Variants in OSBPL10 observed in about 807,000 individuals in gnomAD.
OSBPL10 encodes the protein oxysterol-binding protein-related protein 10.
In OSBPL10, 49 loss-of-function variants were observed where a neutral mutation model predicts 81.7. The observed-to-expected ratio is 0.60, with a 90% CI of 0.48 to 0.76. The LOEUF is 0.76. OSBPL10 is among the 30% of genes least tolerant of loss of function. The probability of loss-of-function intolerance (pLI) is 0.00; values close to 1 mark genes in which losing one functional copy is unlikely to be tolerated. For missense variants in OSBPL10, 923 were observed against 987.8 expected (o/e 0.93, Z 0.88); for synonymous variants, 419 against 383.6 (o/e 1.09, Z -1.08).
chr3:32,021,948 C>A (rs1699366333), intron 2 of OSBPL10, among the ~76,000 whole-genome samples: 1 of 138,336 alleles, frequency 7.2e-6, no homozygotes, highest in East Asian at 2.0e-4. Flanking sequence ...CTACTGCACT[C>A]CAGCCTGGGC....
chr3:31,864,537 A>G (rs1701130439), intron 3 of OSBPL10, among the ~76,000 whole-genome samples: 1 of 152,030 alleles, frequency 6.6e-6, no homozygotes, highest in African/African-American at 2.4e-5. Flanking sequence ...ACCGCACCCG[A>G]CCATATACTT....
upstream of OSBPL10, chr3:31,981,317 G>T: frequency 2.4e-6 from 3 of 1,249,396 alleles, no homozygotes; most frequent in Non-Finnish European, 3.0e-6. The surrounding 1 kb of genome is among the most constrained non-coding windows in gnomAD (Gnocchi z 4.5). Flanking sequence ...ACTCATACAG[G>T]AGGAAGAGGA....
At chr3:31,694,450 C>T (rs1303834657) in intron 7 of OSBPL10, among the ~76,000 whole-genome samples, 1 of 143,684 alleles carries the variant, frequency 7.0e-6, no homozygotes, top group African/African-American at 2.6e-5. Context: ...TCTTTTGTAT[C>T]TGTTCAATAT....
chr3:31,939,644 C>T (rs1697481670), intron 1 of OSBPL10, among the ~76,000 whole-genome samples: 1 of 152,060 alleles, frequency 6.6e-6, no homozygotes, highest in South Asian at 2.1e-4. Context: ...CCATAGTGAC[C>T]AAACTCCACA....
chr3:32,072,676 C>T (rs911887818), intron 1 of OSBPL10, among the ~76,000 whole-genome samples: 1 of 152,036 alleles, frequency 6.6e-6, no homozygotes, highest in Admixed American at 6.6e-5. Context: ...TTGTTCAGGC[C>T]CCCTCCCTTC....
intron 6 of OSBPL10, among the ~76,000 whole-genome samples, chr3:31,713,051 A>C (rs1181961651): frequency 6.6e-6 from 1 of 152,196 alleles, no homozygotes; most frequent in Non-Finnish European, 1.5e-5. Context: ...TAATTACTGC[A>C]ACAGCTTCCC....
At chr3:31,844,784 C>T (rs1700586182) in intron 3 of OSBPL10, among the ~76,000 whole-genome samples, 1 of 152,192 alleles carries the variant, frequency 6.6e-6, no homozygotes, top group South Asian at 2.1e-4. Flanking sequence ...TTAAAAATGG[C>T]TAATTTGGAC....
At chr3:31,904,818 T>C (rs539783332) in intron 1 of OSBPL10, among the ~76,000 whole-genome samples, 16 of 152,346 alleles carry the variant, frequency 1.1e-4, no homozygotes, top group African/African-American at 3.8e-4. Flanking sequence ...TCTACAGAGA[T>C]AGCTGGTGTT....
intron 1 of OSBPL10, among the ~76,000 whole-genome samples, chr3:31,897,504 A>G (rs1007698765): frequency 6.6e-6 from 1 of 152,222 alleles, no homozygotes; most frequent in Non-Finnish European, 1.5e-5. Context: ...ATTCACCACA[A>G]TTAAAGAAAG....
At chr3:32,008,770 A>G (rs1478358656) in intron 2 of OSBPL10, among the ~76,000 whole-genome samples, 1 of 151,950 alleles carries the variant, frequency 6.6e-6, no homozygotes, top group Non-Finnish European at 1.5e-5. Context: ...GAAAAAAAAA[A>G]AAAAAAAGAA....
rs533615715 is a variant in OSBPL10 at position 31,879,057 on chromosome 3, C to T, written c.457+598G>A. On this transcript the variant is annotated intron_variant, in intron 2 of 11. Coordinates refer to ENST00000396556, the MANE Select transcript of OSBPL10 (RefSeq NM_017784.5). ...ATACTGGACTCCCTGGAAAGTCATC[C>T]TCATTTCCGGGATGCTGGGCAGGTA... Among the ~76,000 whole-genome samples, 7 of 152,206 alleles carry T rather than the reference C, an allele frequency of 4.6e-5. No homozygotes were observed. In the South Asian group the frequency reaches 1.5e-3, roughly 32 times the overall value.
chr3:31,968,999 CT>C (rs1475149416), intron 1 of OSBPL10, among the ~76,000 whole-genome samples: 9 of 152,260 alleles, frequency 5.9e-5, no homozygotes, highest in Admixed American at 5.9e-4. Flanking sequence ...TTCTGTTAAA[CT>C]TTTTAGAGAC....
chr3:31,789,744 G>A (rs946184576), intron 4 of OSBPL10, among the ~76,000 whole-genome samples: 2 of 152,236 alleles, frequency 1.3e-5, no homozygotes, highest in African/African-American at 2.4e-5. Context: ...CATCAGGCTA[G>A]AAGAGACTAA....
chr3:31,789,327 C>G (rs761998606), intron 4 of OSBPL10, among the ~76,000 whole-genome samples: 4 of 152,138 alleles, frequency 2.6e-5, no homozygotes, highest in Non-Finnish European at 5.9e-5. Flanking sequence ...GAAAGGCACT[C>G]TAGGGTGGCA....
chr3:31,687,477 A>T (rs908989880), intron 7 of OSBPL10, among the ~76,000 whole-genome samples: 3 of 152,148 alleles, frequency 2.0e-5, no homozygotes, highest in East Asian at 1.9e-4. Context: ...TTAAAAAAAA[A>T]AATAAGTAAA....
At chr3:31,992,967 C>T (rs950780421) in intron 2 of OSBPL10, among the ~76,000 whole-genome samples, 53 of 152,116 alleles carry the variant, frequency 3.5e-4, no homozygotes, top group Non-Finnish European at 2.9e-5. Flanking sequence ...CATGCCACTG[C>T]ACTCCAGCCC....
chr3:31,725,667 G>A (rs1446148809), intron 6 of OSBPL10, among the ~76,000 whole-genome samples: 1 of 152,186 alleles, frequency 6.6e-6, no homozygotes, highest in Non-Finnish European at 1.5e-5. Flanking sequence ...CCAGGACGCT[G>A]ACCATGGATG....
At chr3:31,798,951 T>G (rs940979996) in intron 4 of OSBPL10, among the ~76,000 whole-genome samples, 1 of 152,184 alleles carries the variant, frequency 6.6e-6, no homozygotes, top group African/African-American at 2.4e-5. Context: ...TGAACTCCTA[T>G]GAGAATCTAA....
At position 31,683,627 on chromosome 3, in the gene OSBPL10, G is replaced by A; in HGVS notation, c.1726+7C>T. ...AGAGCCAAACTCCAACATACGACAT[G>A]GCTTACCTTCCCCTATCATAGAGAC... On this transcript the variant is annotated splice_region_variant and intron_variant, in intron 8 of 11. Transcript: ENST00000396556. 1 of 1,604,626 alleles carries A rather than the reference G, an allele frequency of 6.2e-7. No homozygotes were observed. Among genetic ancestry groups the A allele is most frequent in the Non-Finnish European group, 8.5e-7 (1 of 1,172,568 alleles).
Sources: allele counts gnomAD v4.1 joint callset (sites outside exome capture counted in the v4.1 genomes callset), GRCh38; gene constraint gnomAD v4.1.1; non-coding constraint Gnocchi (gnomAD v3.1); transcripts MANE v1.5; gene names NCBI Gene and HGNC (gene_info 2026-07-23, HGNC 2026-07-21).